The following COG5 variants were observed in gnomAD, a reference collection of about 807,000 sequenced individuals.
COG5 encodes component of oligomeric golgi complex 5.
COG5 carries 86 observed loss-of-function variants against 110.4 expected under a neutral mutation model. The ratio of observed to expected loss-of-function variants is 0.78; its 90% CI spans 0.65 to 0.93. The LOEUF (loss-of-function observed/expected upper bound fraction) is 0.93, where lower values mean the gene tolerates loss of function less well. COG5 is among the 40% of genes least tolerant of loss of function. The pLI is 0.00. For missense variants in COG5, 1,077 were observed against 987.0 expected, an observed-to-expected ratio of 1.09 and a Z score of -1.22; for synonymous variants, 360 against 334.6, an observed-to-expected ratio of 1.08 and a Z score of -0.83.
intron 12 of COG5, among the ~76,000 whole-genome samples, chr7:107,292,461 T>C (rs1213298420): frequency 6.6e-6 from 1 of 152,192 alleles, no homozygotes; most frequent in Non-Finnish European, 1.5e-5. Context: ...TAGGCCTCCA[T>C]AACAACTTTT....
intron 6 of COG5, among the ~76,000 whole-genome samples, chr7:107,414,308 A>G (rs73417428): frequency 0.024 from 3,620 of 152,286 alleles, 149 homozygotes; most frequent in African/African-American, 0.081. Flanking sequence ...CTTAATACAA[A>G]TATCTCTTGG....
chr7:107,347,317 G>A (rs765726818), intron 10 of COG5, among the ~76,000 whole-genome samples: 20 of 152,164 alleles, frequency 1.3e-4, no homozygotes, highest in Non-Finnish European at 8.8e-5. Flanking sequence ...AAAGTTTATA[G>A]GTAAATAATT....
intron 6 of COG5, among the ~76,000 whole-genome samples, chr7:107,463,584 G>A (rs1002255540): frequency 1.3e-5 from 2 of 152,134 alleles, no homozygotes; most frequent in South Asian, 4.1e-4. Context: ...CAAAACAATA[G>A]TACACTGAAT....
intron 7 of COG5, among the ~76,000 whole-genome samples, chr7:107,402,610 A>T (rs1791517526): frequency 6.6e-6 from 1 of 152,190 alleles, no homozygotes; most frequent in South Asian, 2.1e-4. Context: ...ATCCTGAAAA[A>T]ATAAATAAAC....
intron 6 of COG5, among the ~76,000 whole-genome samples, chr7:107,476,276 TAAC>T (rs1796990309): frequency 6.9e-6 from 1 of 144,936 alleles, no homozygotes; most frequent in African/African-American, 2.5e-5. Context: ...AATAGAAAGT[TAAC>T]TACCCAAATC....
chr7:107,362,488 A>G (rs1813213552), intron 8 of COG5, 68 bp from the exon 9 acceptor site: 1 of 934,134 alleles, frequency 1.1e-6, no homozygotes, highest in Non-Finnish European at 1.7e-6. Flanking sequence ...TATATATGTT[A>G]TTATAAAAAC....
chr7:107,294,923 G>GCA (rs1806508926), intron 12 of COG5, among the ~76,000 whole-genome samples: 5 of 82,014 alleles, frequency 6.1e-5, no homozygotes, highest in African/African-American at 2.4e-4. Flanking sequence ...GTGTGTGTGT[G>GCA]TATATATACA....
intron 8 of COG5, among the ~76,000 whole-genome samples, chr7:107,371,025 G>A (rs1338374146): frequency 6.6e-6 from 1 of 151,806 alleles, no homozygotes; most frequent in African/African-American, 2.4e-5. Context: ...CGACACAAGG[G>A]GGAATGAGAT....
intron 10 of COG5, among the ~76,000 whole-genome samples, chr7:107,359,625 A>T (rs1562987940): frequency 6.6e-6 from 1 of 152,158 alleles, no homozygotes; most frequent in Non-Finnish European, 1.5e-5. Context: ...CCCATGGCCA[A>T]CCATGGACAA....
intron 6 of COG5, among the ~76,000 whole-genome samples, chr7:107,452,745 G>A (rs1453222423): frequency 6.6e-6 from 1 of 152,138 alleles, no homozygotes; most frequent in African/African-American, 2.4e-5. Context: ...TTTATCAACA[G>A]TGTGAAAACG....
At chr7:107,260,662 A>C (rs1803261394) in intron 14 of COG5, among the ~76,000 whole-genome samples, 1 of 152,200 alleles carries the variant, frequency 6.6e-6, no homozygotes, top group East Asian at 1.9e-4. Flanking sequence ...AGAGAAGATG[A>C]CTTAAGTTCA....
At chr7:107,395,712 G>A (rs549889747) in intron 7 of COG5, among the ~76,000 whole-genome samples, 2 of 151,902 alleles carry the variant, frequency 1.3e-5, no homozygotes, top group East Asian at 1.9e-4. Flanking sequence ...GTGCCACCAC[G>A]CCTGGCTAAT....
At chr7:107,416,796 A>G (rs1012776994) in intron 6 of COG5, among the ~76,000 whole-genome samples, 1 of 152,254 alleles carries the variant, frequency 6.6e-6, no homozygotes, top group African/African-American at 2.4e-5. Context: ...GGGACGTTAT[A>G]GGAAAAGCAG....
At chr7:107,322,069 C>T (rs922647319) in intron 11 of COG5, among the ~76,000 whole-genome samples, 1 of 152,120 alleles carries the variant, frequency 6.6e-6, no homozygotes, top group African/African-American at 2.4e-5. Flanking sequence ...AAACACAAAA[C>T]CAAAAAAGTT....
intron 11 of COG5, 142 bp from the exon 12 acceptor site, chr7:107,298,488 CTAA>C (rs1273833362): frequency 5.6e-6 from 3 of 537,684 alleles, no homozygotes; most frequent in Non-Finnish European, 9.7e-6. Context: ...TATAATAATG[CTAA>C]TAATAATAAT....
chr7:107,208,006 A>C (rs1798899164), intron 21 of COG5: 4 of 985,480 alleles, frequency 4.1e-6, no homozygotes, highest in Non-Finnish European at 4.8e-6. Flanking sequence ...TTTAAAGAGC[A>C]ATACTCACCC....
intron 14 of COG5, among the ~76,000 whole-genome samples, chr7:107,269,213 C>G (rs1240205266): frequency 6.6e-6 from 1 of 152,250 alleles, no homozygotes. Flanking sequence ...CGGTGGCTCA[C>G]GCCTGTAATC....
chr7:107,530,563 T>C (rs1801122960), intron 5 of COG5, among the ~76,000 whole-genome samples: 1 of 134,530 alleles, frequency 7.4e-6, no homozygotes, highest in African/African-American at 2.9e-5. Flanking sequence ...ATTGTGATAT[T>C]GCACTCCAGC....
chr7:107,464,581 A>C (rs1413558384), intron 6 of COG5, among the ~76,000 whole-genome samples: 3 of 152,164 alleles, frequency 2.0e-5, no homozygotes, highest in African/African-American at 7.2e-5. Flanking sequence ...CTCTTTCAGG[A>C]AACCTTATCT....
Sources: gnomAD v4.1 joint callset for allele counts (sites outside exome capture counted in the v4.1 genomes callset) on GRCh38, gnomAD v4.1.1 for gene constraint, MANE v1.5 for transcripts, NCBI Gene and HGNC (gene_info 2026-07-23, HGNC 2026-07-21) for gene names.